PRKCA: variants seen among roughly 807,000 people sequenced by gnomAD.
PRKCA encodes protein kinase C alpha, also known as protein kinase C alpha type.
PRKCA carries 27 observed loss-of-function variants against 87.0 expected under a neutral mutation model. That is an observed-to-expected ratio of 0.31 (90% confidence interval 0.23 to 0.43). The LOEUF (loss-of-function observed/expected upper bound fraction) is 0.43. Ranked by LOEUF, PRKCA falls within the 20% of genes least tolerant of loss-of-function variation. The probability of loss-of-function intolerance (pLI) is 1.00; values close to 1 mark genes in which losing one functional copy is unlikely to be tolerated. For synonymous variants in PRKCA, 329 were observed against 311.1 expected (o/e 1.06, Z -0.61); for missense variants, 518 against 852.3 (o/e 0.61, Z 4.88).
chr17:66,368,338 A>ATGTG (rs10580380), intron 2 of PRKCA, among the ~76,000 whole-genome samples: 1 of 106,884 alleles, frequency 9.4e-6, no homozygotes, highest in Non-Finnish European at 1.8e-5. Flanking sequence ...GTGTGTATAT[A>ATGTG]TGTGTGTGTG....
At chr17:66,434,808 G>T (rs2143845117) in intron 2 of PRKCA, among the ~76,000 whole-genome samples, 1 of 152,242 alleles carries the variant, frequency 6.6e-6, no homozygotes, top group East Asian at 1.9e-4. Context: ...CAATTCCTGG[G>T]CTACAGTATT....
intron 3 of PRKCA, among the ~76,000 whole-genome samples, chr17:66,510,449 AC>A (rs896192756): frequency 2.6e-5 from 4 of 152,138 alleles, no homozygotes; most frequent in African/African-American, 9.7e-5. Flanking sequence ...GAAAGGCAAA[AC>A]TTGTTTTGTC....
At chr17:66,705,597 C>T (rs772842491) in intron 8 of PRKCA, among the ~76,000 whole-genome samples, 30 of 152,156 alleles carry the variant, frequency 2.0e-4, no homozygotes, top group Non-Finnish European at 4.0e-4. Context: ...GTGGATGTTG[C>T]TGGTTGAAGA....
intron 3 of PRKCA, among the ~76,000 whole-genome samples, chr17:66,506,484 C>A (rs1916986160): frequency 6.6e-6 from 1 of 152,128 alleles, no homozygotes; most frequent in Non-Finnish European, 1.5e-5. Flanking sequence ...AAATTAGATA[C>A]TCAAAAAGTA....
chr17:66,413,933 G>T (rs1043899115), intron 2 of PRKCA, among the ~76,000 whole-genome samples: 1 of 150,956 alleles, frequency 6.6e-6, no homozygotes, highest in African/African-American at 2.4e-5. Context: ...AGAATCGCTT[G>T]AACCAGGAGG....
chr17:66,349,300 A>G (rs1907589698), intron 2 of PRKCA, among the ~76,000 whole-genome samples: 2 of 152,342 alleles, frequency 1.3e-5, no homozygotes, highest in African/African-American at 4.8e-5. Flanking sequence ...AAGAGAAATT[A>G]AAATTCCTTC....
At chr17:66,717,311 A>G (rs995727679) in intron 8 of PRKCA, among the ~76,000 whole-genome samples, 1 of 152,166 alleles carries the variant, frequency 6.6e-6, no homozygotes, top group African/African-American at 2.4e-5. Flanking sequence ...GCAGAGTTGG[A>G]GAGTTACAAC....
intron 3 of PRKCA, among the ~76,000 whole-genome samples, chr17:66,521,473 A>T (rs576665267): frequency 2.0e-5 from 3 of 152,316 alleles, no homozygotes; most frequent in African/African-American, 7.2e-5. Context: ...AACTTTTTCT[A>T]ATAAGTACTA....
chr17:66,424,924 TTG>T (rs1236703341), intron 2 of PRKCA, among the ~76,000 whole-genome samples: 1 of 151,754 alleles, frequency 6.6e-6, no homozygotes, highest in Non-Finnish European at 1.5e-5. Context: ...TAATTTTTTT[TTG>T]TGTGTGTATT....
At chr17:66,634,350 TTATAA>T (rs1395876880) in intron 3 of PRKCA, among the ~76,000 whole-genome samples, 1 of 152,202 alleles carries the variant, frequency 6.6e-6, no homozygotes, top group Non-Finnish European at 1.5e-5. Context: ...CCCTCTTTCG[TTATAA>T]TATAATGTCA....
At chr17:66,735,319 G>A (rs61760358) in intron 9 of PRKCA, among the ~76,000 whole-genome samples, 170 bp from the exon 10 acceptor site, 5,237 of 152,280 alleles carry the variant, frequency 0.034, 325 homozygotes, top group African/African-American at 0.12. Context: ...GACTGAATTT[G>A]TAGTGATGTG....
At chr17:66,565,518 G>C (rs1326146308) in intron 3 of PRKCA, among the ~76,000 whole-genome samples, 1 of 152,160 alleles carries the variant, frequency 6.6e-6, no homozygotes, top group Non-Finnish European at 1.5e-5. Flanking sequence ...ATTATAACGT[G>C]GGACTTTCTT....
intron 3 of PRKCA, among the ~76,000 whole-genome samples, chr17:66,606,454 C>A (rs762206742): frequency 7.9e-5 from 12 of 152,060 alleles, no homozygotes; most frequent in Non-Finnish European, 2.9e-5. Context: ...TTAAAGAAGT[C>A]TGAAAGAGCT....
chr17:66,670,547 G>C (rs924683616), intron 5 of PRKCA, among the ~76,000 whole-genome samples: 1 of 152,144 alleles, frequency 6.6e-6, no homozygotes, highest in Non-Finnish European at 1.5e-5. Context: ...GAGATAGTCA[G>C]CAGTAGAATT....
At chr17:66,509,558 G>T (rs979867395) in intron 3 of PRKCA, among the ~76,000 whole-genome samples, 1 of 152,180 alleles carries the variant, frequency 6.6e-6, no homozygotes, top group Non-Finnish European at 1.5e-5. Context: ...CAACAGATTG[G>T]ATGAGATCCA....
intron 13 of PRKCA, among the ~76,000 whole-genome samples, chr17:66,747,232 C>T (rs1974313649): frequency 1.3e-5 from 2 of 152,110 alleles, no homozygotes; most frequent in Admixed American, 1.3e-4. Flanking sequence ...ACCACGCCTG[C>T]TAATTTTAAA....
Position 66,682,232 on chromosome 17 carries a change from C to T in PRKCA, c.530-4879C>T, listed in dbSNP as rs186986884. Among the ~76,000 whole-genome samples, 919 of 152,360 alleles carry T rather than the reference C, an allele frequency of 6.0e-3. 8 individuals carry two copies. Among genetic ancestry groups the T allele is most frequent in the African/African-American group, 0.021 (876 of 41,578 alleles). ...GGCTTTATCCAGAAATGACAGGTTA[C>T]ATGATCAGGAAATTATATAACCTTC... On this transcript the variant is annotated intron_variant, in intron 5 of 16. Transcript: ENST00000413366.
At chr17:66,409,982 C>A (rs1911679069) in intron 2 of PRKCA, among the ~76,000 whole-genome samples, 1 of 152,130 alleles carries the variant, frequency 6.6e-6, no homozygotes, top group African/African-American at 2.4e-5. Context: ...GCTGGTCTGT[C>A]ATCATCTACT....
chr17:66,558,691 G>C (rs779760840), intron 3 of PRKCA, among the ~76,000 whole-genome samples: 2 of 152,170 alleles, frequency 1.3e-5, no homozygotes, highest in Non-Finnish European at 2.9e-5. Flanking sequence ...AGAGTAAGGG[G>C]GGGAGGGAGG....
Sources: gnomAD v4.1 joint callset for allele counts (sites outside exome capture counted in the v4.1 genomes callset) on GRCh38, gnomAD v4.1.1 for gene constraint, MANE v1.5 for transcripts, NCBI Gene and HGNC (gene_info 2026-07-23, HGNC 2026-07-21) for gene names.